The following EXT2 variants were observed in gnomAD, a reference collection of about 807,000 sequenced individuals.
EXT2 encodes exostosin glycosyltransferase 2.
Under a neutral mutation model 81.6 loss-of-function variants are expected in EXT2, and 53 were observed. The observed-to-expected ratio is 0.65, with a 90% CI of 0.52 to 0.82. The LOEUF (loss-of-function observed/expected upper bound fraction) is 0.82, where lower values mean the gene tolerates loss of function less well. Among genes scored for constraint, EXT2 ranks in the 40% least tolerant of loss-of-function variants. The pLI, the probability that EXT2 is intolerant of heterozygous loss-of-function variation, is 0.00. For missense variants in EXT2, 774 were observed against 910.2 expected, an observed-to-expected ratio of 0.85 and a Z score of 1.93; for synonymous variants, 320 against 340.0, an observed-to-expected ratio of 0.94 and a Z score of 0.65.
intron 7 of EXT2, among the ~76,000 whole-genome samples, chr11:44,159,299 T>C (rs1590606380): frequency 6.6e-6 from 1 of 152,112 alleles, no homozygotes; most frequent in Non-Finnish European, 1.5e-5. Flanking sequence ...TTATATCTTT[T>C]GTAGTTGTTC....
intron 3 of EXT2, among the ~76,000 whole-genome samples, chr11:44,110,241 T>C (rs117076025): frequency 3.3e-5 from 5 of 152,328 alleles, no homozygotes; most frequent in Admixed American, 1.3e-4. Context: ...TAGTATTCCT[T>C]TTCCCCAGAA....
chr11:44,212,181 A>G (rs1367429444), intron 10 of EXT2, among the ~76,000 whole-genome samples: 1 of 151,992 alleles, frequency 6.6e-6, no homozygotes, highest in Non-Finnish European at 1.5e-5. Context: ...GCTACTCAGG[A>G]GGCTGAGGCA....
rs114666826 is a variant in EXT2 at position 44,207,575 on chromosome 11, C to T, written c.1662+616C>T. Among the ~76,000 whole-genome samples, 689 of 152,174 alleles carry T rather than the reference C, an allele frequency of 4.5e-3. 8 individuals are homozygous for T. The highest frequency in any genetic ancestry group is 0.016 in the African/African-American group (667 of 41,526). On this transcript the variant is annotated intron_variant, in intron 10 of 13. Coordinates refer to ENST00000533608, the MANE Select transcript of EXT2 (RefSeq NM_207122.2). ...AATTGATGGGCCCTGTCAGGGTGTA[C>T]GTGAGATGCATGATGACAACAGGCG...
At chr11:44,136,241 AC>A (rs1474726141) in intron 7 of EXT2, among the ~76,000 whole-genome samples, 4 of 151,784 alleles carry the variant, frequency 2.6e-5, no homozygotes, top group Non-Finnish European at 4.4e-5. Context: ...CTCCTTTCCC[AC>A]CCCCAGTGTA....
intron 13 of EXT2, 25 bp downstream of exon 13, chr11:44,236,400 G>A (rs1275022317): frequency 6.2e-7 from 1 of 1,609,192 alleles, no homozygotes; most frequent in Non-Finnish European, 8.5e-7. Context: ...AACCAAAAGT[G>A]CGCCTTAGCC....
Position 44,232,513 on chromosome 11 carries a change from C to T in EXT2, c.1806+17C>T, listed in dbSNP as rs1225288512. 6.2e-7 allele frequency: 1 copy of T among 1,613,488 alleles called. No individual in the cohort carries two copies. Among genetic ancestry groups the T allele is most frequent in the Non-Finnish European group, 8.5e-7 (1 of 1,179,774 alleles). ...TATCACAAGGTAAGGGGGCGCAGTC[C>T]TGGCAAGGTGACAAAACTGAGAGAA... On this transcript the variant is annotated intron_variant, in intron 11 of 13. Transcript: ENST00000533608.
intron 7 of EXT2, among the ~76,000 whole-genome samples, chr11:44,149,303 A>G (rs900019402): frequency 1.3e-5 from 2 of 152,216 alleles, no homozygotes; most frequent in Non-Finnish European, 2.9e-5. Flanking sequence ...TGTAGGCTGT[A>G]GTGATCTGTG....
chr11:44,114,330 G>A (rs1482705730), intron 4 of EXT2, 29 bp downstream of exon 4: 1 of 1,583,942 alleles, frequency 6.3e-7, no homozygotes, highest in Non-Finnish European at 8.7e-7. Context: ...AGCCAGGTGT[G>A]CCTTTACTGA....
chr11:44,183,374 A>AT (rs544876553), intron 8 of EXT2, among the ~76,000 whole-genome samples: 6 of 152,206 alleles, frequency 3.9e-5, no homozygotes, highest in African/African-American at 1.4e-4. Flanking sequence ...CCAAATAGTG[A>AT]TTTTCCAGTT....
chr11:44,186,241 A>C (rs1288603822), intron 8 of EXT2, among the ~76,000 whole-genome samples: 2 of 152,250 alleles, frequency 1.3e-5, no homozygotes, highest in Non-Finnish European at 2.9e-5. Context: ...ATCTTAAGCA[A>C]TCATACTATA....
intron 9 of EXT2, among the ~76,000 whole-genome samples, chr11:44,202,673 C>T (rs1463666604): frequency 6.6e-6 from 1 of 152,208 alleles, no homozygotes; most frequent in African/African-American, 2.4e-5. Flanking sequence ...CCAGGGAAAG[C>T]ATGGCTGACA....
chr11:44,208,115 G>T (rs1955605516), intron 10 of EXT2, among the ~76,000 whole-genome samples: 1 of 152,136 alleles, frequency 6.6e-6, no homozygotes, highest in South Asian at 2.1e-4. Context: ...TAGGGTGTTG[G>T]ATGATATTTA....
At chr11:44,233,344 G>A (rs1205980892) in intron 11 of EXT2, among the ~76,000 whole-genome samples, 1 of 152,144 alleles carries the variant, frequency 6.6e-6, no homozygotes, top group Non-Finnish European at 1.5e-5. Flanking sequence ...ATAAGTAAAA[G>A]TGAATTTTAT....
intron 3 of EXT2, among the ~76,000 whole-genome samples, chr11:44,109,795 C>T (rs759019355): frequency 3.3e-5 from 5 of 152,142 alleles, no homozygotes; most frequent in Admixed American, 6.5e-5. Context: ...TCTTGCCTTT[C>T]GTTCCTTCCA....
chr11:44,212,214 G>A (rs917503517), intron 10 of EXT2, among the ~76,000 whole-genome samples: 1 of 151,976 alleles, frequency 6.6e-6, no homozygotes, highest in African/African-American at 2.4e-5. Context: ...GAATCTGGGA[G>A]GCAGAGGTTG....
intron 10 of EXT2, among the ~76,000 whole-genome samples, chr11:44,219,659 GAGGGTCTCTGCAGA>G (rs1955761336): frequency 6.6e-6 from 1 of 152,156 alleles, no homozygotes; most frequent in Non-Finnish European, 1.5e-5. Context: ...GGGAATCCAG[GAGGGTCTCTGCAGA>G]AGGGTTTTTC....
chr11:44,146,703 T>C (rs1954722868), intron 7 of EXT2, among the ~76,000 whole-genome samples: 1 of 152,248 alleles, frequency 6.6e-6, no homozygotes, highest in African/African-American at 2.4e-5. Flanking sequence ...AAGTAGTTTA[T>C]TAAGCCTAAT....
At chr11:44,137,304 G>C (rs1335199271) in intron 7 of EXT2, among the ~76,000 whole-genome samples, 1 of 152,166 alleles carries the variant, frequency 6.6e-6, no homozygotes, top group Non-Finnish European at 1.5e-5. Flanking sequence ...GGACTGATTT[G>C]CAGTTGTTTT....
intron 7 of EXT2, among the ~76,000 whole-genome samples, chr11:44,153,142 A>G (rs528743149): frequency 3.6e-4 from 55 of 152,236 alleles, no homozygotes; most frequent in Non-Finnish European, 6.6e-4. Context: ...GAGTCCTCCC[A>G]GCTAGGAATA....
Sources: gnomAD v4.1 joint callset for allele counts (sites outside exome capture counted in the v4.1 genomes callset) on GRCh38, gnomAD v4.1.1 for gene constraint, MANE v1.5 for transcripts, NCBI Gene and HGNC (gene_info 2026-07-23, HGNC 2026-07-21) for gene names.